The following MROH9 variants were observed in gnomAD, a reference collection of about 807,000 sequenced individuals.
The protein encoded by MROH9 is maestro heat like repeat family member 9.
In MROH9, 92 loss-of-function variants were observed where a neutral mutation model predicts 98.2. The ratio of observed to expected loss-of-function variants is 0.94; its 90% confidence interval spans 0.79 to 1.11. The LOEUF is 1.11. MROH9 is among the 50% of genes most tolerant of loss of function. MROH9 has a pLI of 0.00. For synonymous variants in MROH9, 397 were observed against 368.9 expected (o/e 1.08, Z -0.87); for missense variants, 1,057 against 1,014.8 (o/e 1.04, Z -0.57).
chr1:171,054,303 G>C (rs1036223094), intron 20 of MROH9, among the ~76,000 whole-genome samples: 1 of 152,160 alleles, frequency 6.6e-6, no homozygotes, highest in African/African-American at 2.4e-5. Context: ...TCAACAAATT[G>C]TGCTGGGATA....
chr1:170,944,300 C>T (rs1001622294), intron 1 of MROH9, among the ~76,000 whole-genome samples: 6 of 151,674 alleles, frequency 4.0e-5, no homozygotes, highest in East Asian at 3.9e-4. Context: ...ATAAACCTTT[C>T]GTATTAAAGA....
intron 20 of MROH9, among the ~76,000 whole-genome samples, chr1:171,034,393 G>A (rs1653029615): frequency 6.6e-6 from 1 of 152,166 alleles, no homozygotes; most frequent in African/African-American, 2.4e-5. Flanking sequence ...CTATTTAACT[G>A]TAGGACTCTC....
chr1:171,057,178 G>T (rs999722497), intron 20 of MROH9, among the ~76,000 whole-genome samples: 1 of 152,170 alleles, frequency 6.6e-6, no homozygotes, highest in Non-Finnish European at 1.5e-5. Context: ...CTGATTAAAG[G>T]ATTATGTTCT....
intron 3 of MROH9, among the ~76,000 whole-genome samples, chr1:170,953,742 G>A (rs576598601): frequency 1.5e-5 from 2 of 136,414 alleles, no homozygotes; most frequent in African/African-American, 2.7e-5. Context: ...GAAAAGAAAA[G>A]AAAAGAAAAG....
At chr1:171,041,402 G>GATAT (rs1653296911) in intron 20 of MROH9, among the ~76,000 whole-genome samples, 2 of 28,236 alleles carry the variant, frequency 7.1e-5, no homozygotes, top group Admixed American at 4.8e-4. Flanking sequence ...TATTGGTCAA[G>GATAT]ATACATACAC....
intron 3 of MROH9, among the ~76,000 whole-genome samples, chr1:170,950,245 C>T (rs1213222488): frequency 6.6e-6 from 1 of 152,014 alleles, no homozygotes; most frequent in East Asian, 1.9e-4. Context: ...GACTTTTGAA[C>T]AAACAATGAA....
chr1:171,043,330 G>A (rs897786750), intron 20 of MROH9, among the ~76,000 whole-genome samples: 41 of 151,998 alleles, frequency 2.7e-4, no homozygotes, highest in African/African-American at 8.5e-4. Flanking sequence ...TGTTCCATTG[G>A]TCTGTGTGTC....
At chr1:171,043,133 G>A (rs1027617332) in intron 20 of MROH9, among the ~76,000 whole-genome samples, 1 of 152,118 alleles carries the variant, frequency 6.6e-6, no homozygotes, top group Non-Finnish European at 1.5e-5. Context: ...CTAGATTTAA[G>A]CCTTTAATCC....
chr1:171,005,620 T>C (rs927580888), intron 15 of MROH9, among the ~76,000 whole-genome samples: 1 of 152,230 alleles, frequency 6.6e-6, no homozygotes, highest in Admixed American at 6.5e-5. Flanking sequence ...TGTATGTTTA[T>C]TTTGTATTCT....
At chr1:170,976,906 T>G (rs1650720553) in intron 8 of MROH9, among the ~76,000 whole-genome samples, 1 of 152,170 alleles carries the variant, frequency 6.6e-6, no homozygotes, top group Non-Finnish European at 1.5e-5. Context: ...ATCTTGTATT[T>G]CTTGGAGGTT....
intron 10 of MROH9, among the ~76,000 whole-genome samples, chr1:170,988,595 A>G (rs1284495709): frequency 3.9e-5 from 6 of 152,188 alleles, no homozygotes. Context: ...TGGGCTCCTC[A>G]ATTTATGACC....
At chr1:170,980,423 T>C (rs900927075) in intron 8 of MROH9, among the ~76,000 whole-genome samples, 1 of 152,050 alleles carries the variant, frequency 6.6e-6, no homozygotes, top group Non-Finnish European at 1.5e-5. Context: ...GTACCAGACA[T>C]ATAGACCAAT....
At chr1:170,957,807 TTTGTTTGTTTG>T (rs1286694493) in intron 3 of MROH9, among the ~76,000 whole-genome samples, 36 of 129,348 alleles carry the variant, frequency 2.8e-4, no homozygotes, top group Admixed American at 3.9e-4. Context: ...TTTTTTTTTT[TTTGTTTGTTTG>T]TTTTTTTTGA....
intron 1 of MROH9, among the ~76,000 whole-genome samples, chr1:170,945,066 G>C (rs1304752153): frequency 6.6e-6 from 1 of 152,000 alleles, no homozygotes; most frequent in Non-Finnish European, 1.5e-5. Context: ...AGAAGTCAGA[G>C]ATTGGTAGTG....
chr1:170,984,036 C>T (rs568650740), intron 9 of MROH9, among the ~76,000 whole-genome samples: 6 of 152,186 alleles, frequency 3.9e-5, no homozygotes, highest in African/African-American at 7.2e-5. Context: ...TACACTGTCT[C>T]GACCCTTGGG....
chr1:170,948,072 C>T (rs959909713), intron 3 of MROH9, among the ~76,000 whole-genome samples: 2 of 152,068 alleles, frequency 1.3e-5, no homozygotes, highest in African/African-American at 4.8e-5. Flanking sequence ...CTCTTGAGAG[C>T]AGAGATTGTG....
chr1:170,940,405 G>A (rs966675178), intron 1 of MROH9, among the ~76,000 whole-genome samples: 2 of 152,194 alleles, frequency 1.3e-5, no homozygotes, highest in Non-Finnish European at 1.5e-5. Context: ...GTTTGTGGAT[G>A]GGGAAGTGAT....
chr1:170,981,753 A>AC (rs1408422233), intron 8 of MROH9, among the ~76,000 whole-genome samples: 4 of 151,932 alleles, frequency 2.6e-5, no homozygotes, highest in Admixed American at 2.6e-4. Context: ...TAAAAAAAAA[A>AC]AACTCTCTAT....
intron 20 of MROH9, among the ~76,000 whole-genome samples, chr1:171,038,827 T>G (rs1024635164): frequency 6.6e-6 from 1 of 152,040 alleles, no homozygotes; most frequent in Non-Finnish European, 1.5e-5. Flanking sequence ...ATTTAAATGG[T>G]CAAGAAGGGG....
Sources: allele counts gnomAD v4.1 joint callset (sites outside exome capture counted in the v4.1 genomes callset), GRCh38; gene constraint gnomAD v4.1.1; transcripts MANE v1.5; gene names NCBI Gene and HGNC (gene_info 2026-07-23, HGNC 2026-07-21).